The following DCAF6 variants were observed in gnomAD, a reference collection of about 807,000 sequenced individuals.
DCAF6 encodes the protein DDB1 and CUL4 associated factor 6.
DCAF6 carries 54 observed loss-of-function variants against 125.1 expected under a neutral mutation model. The observed-to-expected ratio is 0.43, with a 90% CI of 0.35 to 0.54. The LOEUF is 0.54. DCAF6 is among the 20% of genes least tolerant of loss of function. DCAF6 has a pLI of 0.01. For missense variants in DCAF6, 934 were observed against 1,161.7 expected (o/e 0.80, Z 2.85); for synonymous variants, 371 against 390.4 (o/e 0.95, Z 0.58).
the DCAF6 span, among the ~76,000 whole-genome samples, chr1:167,890,170 A>T: frequency 6.6e-6 from 1 of 152,038 alleles, no homozygotes; most frequent in Non-Finnish European, 1.5e-5. Context: ...GTAGTCTTTG[A>T]CATTTAGGAC....
intron 3 of DCAF6, among the ~76,000 whole-genome samples, chr1:167,968,009 G>A (rs371193317): frequency 2.0e-5 from 3 of 152,014 alleles, no homozygotes; most frequent in African/African-American, 7.2e-5. Context: ...GGGATTACAG[G>A]CATGAGCCAC....
the DCAF6 span, among the ~76,000 whole-genome samples, chr1:167,926,596 A>AC: frequency 1.3e-5 from 2 of 152,214 alleles, no homozygotes; most frequent in African/African-American, 4.8e-5. Flanking sequence ...AGTTGCCCCA[A>AC]CTGTGGTGCC....
intron 12 of DCAF6, among the ~76,000 whole-genome samples, chr1:168,032,110 T>C (rs1415184916): frequency 6.6e-6 from 1 of 152,240 alleles, no homozygotes; most frequent in Non-Finnish European, 1.5e-5. Context: ...TGAGTTGTGA[T>C]TGCCAGAAGA....
chr1:167,935,919 G>A (rs1671147871), upstream of DCAF6: 2 of 1,151,424 alleles, frequency 1.7e-6, no homozygotes, highest in African/African-American at 1.5e-5. Context: ...AGGGGAGCTA[G>A]TCACTTTTCC....
the DCAF6 span, among the ~76,000 whole-genome samples, chr1:167,876,249 C>G: frequency 6.9e-6 from 1 of 145,632 alleles, no homozygotes; most frequent in Non-Finnish European, 1.5e-5. Context: ...AAAAGCAAAG[C>G]TCCATCTCAA....
chr1:168,019,495 G>A (rs1365703807), intron 11 of DCAF6: 6 of 445,328 alleles, frequency 1.3e-5, no homozygotes, highest in Non-Finnish European at 2.7e-5. Context: ...TATGGCAGAG[G>A]CATTCAGCAT....
At chr1:168,027,293 G>A (rs958498955) in intron 12 of DCAF6, among the ~76,000 whole-genome samples, 2 of 152,042 alleles carry the variant, frequency 1.3e-5, no homozygotes, top group African/African-American at 4.8e-5. Flanking sequence ...ATAGGTGGTG[G>A]TAGGTTCAAA....
the DCAF6 span, among the ~76,000 whole-genome samples, chr1:167,887,063 T>TA: frequency 6.6e-6 from 1 of 152,212 alleles, no homozygotes; most frequent in Non-Finnish European, 1.5e-5. Flanking sequence ...CTGGAGAGGA[T>TA]GTGGAGAAAT....
chr1:167,865,316 T>C, the DCAF6 span, among the ~76,000 whole-genome samples: 1 of 152,228 alleles, frequency 6.6e-6, no homozygotes, highest in African/African-American at 2.4e-5. Context: ...TGTAAACTAA[T>C]TAGCTAAAGA....
intron 2 of DCAF6, among the ~76,000 whole-genome samples, chr1:167,961,742 C>T (rs950888270): frequency 1.3e-5 from 2 of 152,112 alleles, no homozygotes; most frequent in African/African-American, 4.8e-5. Context: ...TGATATTCTA[C>T]AGGTTGAGTG....
intron 2 of DCAF6, among the ~76,000 whole-genome samples, chr1:167,952,896 C>T (rs978893953): frequency 1.3e-5 from 2 of 152,134 alleles, no homozygotes; most frequent in African/African-American, 4.8e-5. Context: ...TTTTCATGTA[C>T]TTGTGACCTA....
the DCAF6 span, chr1:167,878,575 G>A: frequency 3.1e-6 from 5 of 1,614,112 alleles, no homozygotes; most frequent in Non-Finnish European, 4.2e-6. Flanking sequence ...AGAGTCGCAG[G>A]TCACAATTCC....
At position 168,059,721 on chromosome 1, in the gene DCAF6, C is replaced by T. The variant is rs899226932; in HGVS notation, c.2301-3900C>T. ...ATTGCAGTGGCATGATCATGGCTCACTGCAGTTTTGACCTCCTAGGCTCAG... is the reference window on the plus strand; with the variant it reads ...ATTGCAGTGGCATGATCATGGCTCATTGCAGTTTTGACCTCCTAGGCTCAG... On this transcript the variant is annotated intron_variant, in intron 17 of 21. Transcript: ENST00000367840. Among the ~76,000 whole-genome samples the T allele has an allele frequency of 4.6e-5, 7 of 152,122 alleles. No individual in the cohort carries two copies. The South Asian group carries it at 1.2e-3, about 27-fold the overall frequency.
intron 4 of DCAF6, among the ~76,000 whole-genome samples, chr1:167,981,948 A>C (rs1449580104): frequency 6.6e-6 from 1 of 152,174 alleles, no homozygotes; most frequent in Non-Finnish European, 1.5e-5. Context: ...GAAATCTCCA[A>C]ATTGTTTTCC....
chr1:167,997,174 CAG>C (rs1253645101), intron 7 of DCAF6, among the ~76,000 whole-genome samples: 1 of 152,090 alleles, frequency 6.6e-6, no homozygotes, highest in Non-Finnish European at 1.5e-5. Context: ...TTCACATACT[CAG>C]AAAGTCAAAT....
At position 168,038,360 on chromosome 1, in the gene DCAF6, A is replaced by G. The variant is rs752293371; in HGVS notation, c.1610-11A>G. The G allele has an allele frequency of 1.3e-6, 2 of 1,592,104 alleles. No homozygotes were observed. Among genetic ancestry groups the G allele is most frequent in the South Asian group, 2.3e-5 (2 of 87,350 alleles). On this transcript the variant is annotated splice_polypyrimidine_tract_variant and intron_variant, in intron 12 of 21. Transcript: ENST00000367840. ...AGAGACTTTTTCAAATGTTTTAAAC[A>G]CAATTTTCAGATAACAATAATGAAA...
the DCAF6 span, chr1:167,894,033 G>T: frequency 2.4e-6 from 2 of 848,798 alleles, no homozygotes; most frequent in Non-Finnish European, 4.0e-6. Context: ...ATTCTCTTGG[G>T]CAGTGGGCCT....
At chr1:167,949,034 C>T (rs1673519221) in intron 1 of DCAF6, among the ~76,000 whole-genome samples, 1 of 152,212 alleles carries the variant, frequency 6.6e-6, no homozygotes, top group Non-Finnish European at 1.5e-5. Flanking sequence ...ACTGATTCAG[C>T]AAACGTATAT....
At chr1:167,956,952 A>G (rs1221132351) in intron 2 of DCAF6, among the ~76,000 whole-genome samples, 4 of 152,096 alleles carry the variant, frequency 2.6e-5, no homozygotes, top group African/African-American at 2.4e-5. Flanking sequence ...TAAATATATT[A>G]AGGTTTGTTT....
Sources: gnomAD v4.1 joint callset for allele counts (sites outside exome capture counted in the v4.1 genomes callset) on GRCh38, gnomAD v4.1.1 for gene constraint, MANE v1.5 for transcripts, NCBI Gene and HGNC (gene_info 2026-07-23, HGNC 2026-07-21) for gene names.